NXPH2: variants seen among roughly 807,000 people sequenced by gnomAD.
The protein encoded by NXPH2 is neurexophilin 2, also known as neurexophilin-2.
Under a neutral mutation model 19.8 loss-of-function variants are expected in NXPH2, and 5 were observed. The ratio of observed to expected loss-of-function variants is 0.25; its 90% confidence interval spans 0.13 to 0.53. The LOEUF is 0.53. Ranked by LOEUF, NXPH2 falls within the 20% of genes least tolerant of loss-of-function variation. The pLI is 0.96. For missense variants in NXPH2, 289 were observed against 322.8 expected (o/e 0.90, Z 0.80); for synonymous variants, 154 against 127.4 (o/e 1.21, Z -1.41).
intron 1 of NXPH2, among the ~76,000 whole-genome samples, chr2:138,740,917 GC>G (rs1457053987): frequency 6.8e-6 from 1 of 146,456 alleles, no homozygotes; most frequent in East Asian, 2.2e-4. Context: ...CTTTTGAACA[GC>G]CAATACAGTA....
intron 1 of NXPH2, among the ~76,000 whole-genome samples, chr2:138,692,811 A>T (rs1680764187): frequency 6.6e-6 from 1 of 152,190 alleles, no homozygotes; most frequent in Admixed American, 6.5e-5. Context: ...CAGAGGAGAA[A>T]GCAGTTAGAA....
chr2:138,692,028 C>T (rs1247763482), intron 1 of NXPH2, among the ~76,000 whole-genome samples: 3 of 152,052 alleles, frequency 2.0e-5, no homozygotes, highest in African/African-American at 4.8e-5. Flanking sequence ...GAGGTGATAG[C>T]GTAGTAGCTA....
At chr2:138,709,747 T>C (rs947193165) in intron 1 of NXPH2, among the ~76,000 whole-genome samples, 2 of 152,202 alleles carry the variant, frequency 1.3e-5, no homozygotes, top group South Asian at 2.1e-4. Context: ...CAGAATATCA[T>C]CTAATTGGAA....
At chr2:138,768,461 A>G (rs1682126182) in intron 1 of NXPH2, among the ~76,000 whole-genome samples, 1 of 152,206 alleles carries the variant, frequency 6.6e-6, no homozygotes, top group Non-Finnish European at 1.5e-5. Flanking sequence ...TGCCCTTCTC[A>G]AGCTAAGGCG....
intron 1 of NXPH2, among the ~76,000 whole-genome samples, chr2:138,702,521 C>A (rs568489104): frequency 3.3e-5 from 5 of 152,160 alleles, no homozygotes; most frequent in Non-Finnish European, 7.3e-5. Context: ...TCCACCCCTA[C>A]CCAACCACTA....
chr2:138,680,317 T>C (rs1394389391), intron 1 of NXPH2, among the ~76,000 whole-genome samples: 2 of 152,202 alleles, frequency 1.3e-5, no homozygotes, highest in African/African-American at 4.8e-5. Context: ...AGAGTGAGGC[T>C]TGTCTACAGG....
At chr2:138,724,795 GTTAA>G (rs1681334332) in intron 1 of NXPH2, among the ~76,000 whole-genome samples, 1 of 152,196 alleles carries the variant, frequency 6.6e-6, no homozygotes, top group South Asian at 2.1e-4. Context: ...TAATCAATTA[GTTAA>G]TTAAACAAAC....
intron 1 of NXPH2, among the ~76,000 whole-genome samples, chr2:138,771,268 T>G (rs931665975): frequency 4.1e-4 from 62 of 152,140 alleles, no homozygotes; most frequent in African/African-American, 1.5e-3. Context: ...AGTTGCTCTA[T>G]CAAAGTAGCC....
chr2:138,723,790 G>A (rs962651723), intron 1 of NXPH2, among the ~76,000 whole-genome samples: 2 of 152,146 alleles, frequency 1.3e-5, no homozygotes, highest in Admixed American at 1.3e-4. Context: ...TGACAGCAGG[G>A]TGCAGCTGAG....
intron 1 of NXPH2, among the ~76,000 whole-genome samples, chr2:138,703,806 C>T (rs1167264950): frequency 1.3e-5 from 2 of 152,312 alleles, no homozygotes; most frequent in Middle Eastern, 3.4e-3. Context: ...AACCTCCTAA[C>T]TGAGAAACAT....
At chr2:138,729,917 C>T (rs1681420571) in intron 1 of NXPH2, among the ~76,000 whole-genome samples, 1 of 152,182 alleles carries the variant, frequency 6.6e-6, no homozygotes, top group South Asian at 2.1e-4. Flanking sequence ...GTAACAAATA[C>T]CACAGACTGG....
chr2:138,707,983 C>T (rs907630840), intron 1 of NXPH2, among the ~76,000 whole-genome samples: 5 of 152,104 alleles, frequency 3.3e-5, no homozygotes, highest in African/African-American at 1.2e-4. Context: ...TACAGATACT[C>T]CCTCCATTTC....
At chr2:138,672,098 T>C (rs1042622221) in intron 1 of NXPH2, among the ~76,000 whole-genome samples, 1 of 152,246 alleles carries the variant, frequency 6.6e-6, no homozygotes, top group African/African-American at 2.4e-5. Flanking sequence ...TATTGATAAG[T>C]CTTAAGTATA....
intron 1 of NXPH2, among the ~76,000 whole-genome samples, chr2:138,672,038 CA>C (rs1680424738): frequency 6.6e-6 from 1 of 151,944 alleles, no homozygotes; most frequent in South Asian, 2.1e-4. Flanking sequence ...AGGTGGAAGA[CA>C]AAAATAGAGT....
At chr2:138,766,437 T>A (rs1302230301) in intron 1 of NXPH2, among the ~76,000 whole-genome samples, 2 of 152,164 alleles carry the variant, frequency 1.3e-5, no homozygotes, top group East Asian at 3.8e-4. Context: ...TCTGGAGACT[T>A]TTTTTGGTTG....
At chr2:138,757,958 T>A (rs1681942615) in intron 1 of NXPH2, among the ~76,000 whole-genome samples, 1 of 152,104 alleles carries the variant, frequency 6.6e-6, no homozygotes, top group Non-Finnish European at 1.5e-5. Flanking sequence ...ATGGGAATGC[T>A]GGCATGAAAA....
At chr2:138,744,437 AT>A (rs1681693874) in intron 1 of NXPH2, among the ~76,000 whole-genome samples, 1 of 151,982 alleles carries the variant, frequency 6.6e-6, no homozygotes, top group Non-Finnish European at 1.5e-5. Flanking sequence ...ACTACTTCAC[AT>A]CATTCCTTAA....
chr2:138,681,913 G>A (rs954849345), intron 1 of NXPH2, among the ~76,000 whole-genome samples: 3 of 152,036 alleles, frequency 2.0e-5, no homozygotes, highest in African/African-American at 7.2e-5. Flanking sequence ...ATTTCACTGG[G>A]GTTATTAATT....
intron 1 of NXPH2, among the ~76,000 whole-genome samples, chr2:138,748,811 C>G (rs747599080): frequency 1.1e-4 from 16 of 152,038 alleles, no homozygotes; most frequent in African/African-American, 1.7e-4. Context: ...CAAAGCAGAG[C>G]ACCTGAAGTT....
Sources: allele counts gnomAD v4.1 joint callset (sites outside exome capture counted in the v4.1 genomes callset), GRCh38; gene constraint gnomAD v4.1.1; transcripts MANE v1.5; gene names NCBI Gene and HGNC (gene_info 2026-07-23, HGNC 2026-07-21).